The following UIMC1 variants were observed in gnomAD, a reference collection of about 807,000 sequenced individuals.
The protein encoded by UIMC1 is BRCA1-A complex subunit RAP80.
Under a neutral mutation model 84.9 loss-of-function variants are expected in UIMC1, and 42 were observed. The observed-to-expected ratio is 0.49, with a 90% CI of 0.39 to 0.64. The LOEUF (loss-of-function observed/expected upper bound fraction) is 0.64. UIMC1 is among the 30% of genes least tolerant of loss of function. The probability of loss-of-function intolerance (pLI) is 0.00; values close to 1 mark genes in which losing one functional copy is unlikely to be tolerated. For missense variants in UIMC1, 825 were observed against 847.6 expected (o/e 0.97, Z 0.33); for synonymous variants, 281 against 293.0 (o/e 0.96, Z 0.42).
intron 8 of UIMC1, among the ~76,000 whole-genome samples, chr5:176,955,747 C>T (rs1163311605): frequency 6.6e-6 from 1 of 152,020 alleles, no homozygotes; most frequent in Non-Finnish European, 1.5e-5. Context: ...AACTAAATTA[C>T]CCCTAAGGAG....
In UIMC1 at chr5:176,968,542, C is replaced by T. The variant is rs1328232449; in HGVS notation, c.1200+13G>A. 1 of 1,583,762 alleles carries T rather than the reference C, an allele frequency of 6.3e-7. No homozygotes were observed. Among genetic ancestry groups the T allele is most frequent in the Non-Finnish European group, 8.6e-7 (1 of 1,168,132 alleles). ...AATAAATCATCCTTAATTACAGCAT[C>T]ACTGACCCTTACCTGACCATGACTG... On this transcript the variant is annotated intron_variant, in intron 6 of 14. Coordinates refer to ENST00000511320, the MANE Select transcript of UIMC1 (RefSeq NM_001199298.2).
chr5:176,939,267 A>G (rs985280407), intron 10 of UIMC1, among the ~76,000 whole-genome samples: 13 of 151,652 alleles, frequency 8.6e-5, no homozygotes, highest in East Asian at 1.9e-4. Flanking sequence ...AAAAAAAAAA[A>G]AAAAAGAAAA....
At chr5:176,918,731 G>A (rs542982304) in intron 10 of UIMC1, among the ~76,000 whole-genome samples, 1 of 152,066 alleles carries the variant, frequency 6.6e-6, no homozygotes, top group Admixed American at 6.5e-5. Flanking sequence ...TCATATCTTC[G>A]CATTCCTTCT....
chr5:176,916,059 C>T (rs781140546), intron 10 of UIMC1, among the ~76,000 whole-genome samples: 11 of 152,078 alleles, frequency 7.2e-5, no homozygotes, highest in Non-Finnish European at 1.2e-4. Context: ...TGGGGCTTGC[C>T]GCTGTTTTTC....
At chr5:176,988,762 C>T (rs1261760594) in intron 1 of UIMC1, among the ~76,000 whole-genome samples, 5 of 149,624 alleles carry the variant, frequency 3.3e-5, no homozygotes, top group Non-Finnish European at 5.9e-5. Context: ...CTGCTCACTG[C>T]AGCCTCCACC....
chr5:176,954,235 G>A (rs968799380), intron 8 of UIMC1, among the ~76,000 whole-genome samples: 2 of 152,066 alleles, frequency 1.3e-5, no homozygotes, highest in East Asian at 1.9e-4. Flanking sequence ...GATGTCACAC[G>A]CCATCATCCT....
chr5:176,918,711 G>A (rs562870194), intron 10 of UIMC1, among the ~76,000 whole-genome samples: 112 of 152,104 alleles, frequency 7.4e-4, no homozygotes, highest in African/African-American at 2.6e-3. Context: ...ATCTTTTCAC[G>A]ATTACCCTGT....
chr5:176,975,587 T>C, intron 2 of UIMC1, 107 bp from the exon 3 acceptor site: 1 of 1,000,598 alleles, frequency 1.0e-6, no homozygotes, highest in Non-Finnish European at 1.5e-6. Context: ...GAATTGGTGA[T>C]TGTTATAAAT....
intron 2 of UIMC1, among the ~76,000 whole-genome samples, chr5:176,981,648 A>G (rs1030716962): frequency 3.2e-4 from 49 of 152,220 alleles, no homozygotes; most frequent in African/African-American, 1.1e-3. Context: ...AAAAAATACA[A>G]AAATTAGCCA....
At chr5:176,941,621 C>T (rs1026561723) in intron 10 of UIMC1, among the ~76,000 whole-genome samples, 1 of 151,996 alleles carries the variant, frequency 6.6e-6, no homozygotes, top group Non-Finnish European at 1.5e-5. Context: ...TTAAATACAC[C>T]TAAGTTACAG....
chr5:177,004,537 T>C (rs9885529), intron 1 of UIMC1, among the ~76,000 whole-genome samples: 14,847 of 152,170 alleles, frequency 0.098, 1,511 homozygotes, highest in African/African-American at 0.26. Flanking sequence ...GAATTACCAC[T>C]AACTGCCAAT....
At chr5:176,953,643 T>C (rs373599300) in intron 8 of UIMC1, among the ~76,000 whole-genome samples, 6 of 152,114 alleles carry the variant, frequency 3.9e-5, no homozygotes, top group East Asian at 1.9e-4. Flanking sequence ...ATTCACTGCT[T>C]AGATTACTGC....
chr5:176,954,806 C>T (rs565921820), intron 8 of UIMC1, among the ~76,000 whole-genome samples: 3 of 150,994 alleles, frequency 2.0e-5, no homozygotes, highest in Admixed American at 6.6e-5. Flanking sequence ...AAATAAAGAC[C>T]TTTATGATAG....
chr5:177,006,613 GGGTGGGCGGAGCTGTGCGCAGGC>G lies in UIMC1; in HGVS notation c.-9+14_-9+36del, dbSNP rs1218821418. 1.3e-5 allele frequency: 2 copies of G among 152,402 alleles called. No individual in the cohort carries two copies. The highest frequency in any genetic ancestry group is 4.8e-5 in the African/African-American group (2 of 41,478). The allele number at this position is 152,402 out of a possible 1,614,324, so 9.4% of individuals were successfully genotyped here. Reference sequence around the variant, plus strand: ...CTGAGGAAGAAAAGGAGGCAGGGAGGGGTGGGCGGAGCTGTGCGCAGGCGGCGGGTACTCACTCGCTGGCGCAG... The same window carrying G: ...CTGAGGAAGAAAAGGAGGCAGGGAGGGGCGGGTACTCACTCGCTGGCGCAG... On this transcript the variant is annotated intron_variant, in intron 1 of 14. Coordinates refer to ENST00000511320, the MANE Select transcript of UIMC1 (RefSeq NM_001199298.2).
At chr5:176,922,187 T>C (rs1761794021) in intron 10 of UIMC1, among the ~76,000 whole-genome samples, 1 of 152,214 alleles carries the variant, frequency 6.6e-6, no homozygotes, top group South Asian at 2.1e-4. Context: ...TCTGTTTCCC[T>C]CACAAAAAGG....
At chr5:176,938,728 A>C (rs1330535166) in intron 10 of UIMC1, among the ~76,000 whole-genome samples, 1 of 152,130 alleles carries the variant, frequency 6.6e-6, no homozygotes, top group Non-Finnish European at 1.5e-5. Context: ...CCAGCCTGCA[A>C]AGCCAAGGCT....
At chr5:176,956,670 AG>A (rs1766640475) in intron 7 of UIMC1, among the ~76,000 whole-genome samples, 1 of 152,012 alleles carries the variant, frequency 6.6e-6, no homozygotes, top group Non-Finnish European at 1.5e-5. Flanking sequence ...TTCCTGACAT[AG>A]GAATACATGG....
chr5:176,908,405 A>G, intron 12 of UIMC1, 118 bp downstream of exon 12: 1 of 1,031,826 alleles, frequency 9.7e-7, no homozygotes, highest in Non-Finnish European at 1.3e-6. Flanking sequence ...ATCTTGTTTC[A>G]AGATAAATAG....
chr5:176,911,932 A>T (rs1760265144), intron 10 of UIMC1, among the ~76,000 whole-genome samples: 1 of 152,248 alleles, frequency 6.6e-6, no homozygotes, highest in African/African-American at 2.4e-5. Context: ...AAATGGCTTT[A>T]GCCCAAATGA....
Sources: allele counts gnomAD v4.1 joint callset (sites outside exome capture counted in the v4.1 genomes callset), GRCh38; gene constraint gnomAD v4.1.1; transcripts MANE v1.5; gene names NCBI Gene and HGNC (gene_info 2026-07-23, HGNC 2026-07-21).